Variants in LINGO2 observed in about 807,000 individuals in gnomAD.
LINGO2 encodes the protein leucine rich repeat and Ig domain containing 2, also known as leucine-rich repeat and immunoglobulin-like domain-containing nogo receptor-interacting protein 2.
LINGO2 carries 14 observed loss-of-function variants against 30.6 expected under a neutral mutation model. That is an observed-to-expected ratio of 0.46 (90% confidence interval 0.30 to 0.72). The LOEUF (loss-of-function observed/expected upper bound fraction) is 0.72, where lower values mean the gene tolerates loss of function less well. Among genes scored for constraint, LINGO2 ranks in the 30% least tolerant of loss-of-function variants. The pLI, the probability that LINGO2 is intolerant of heterozygous loss-of-function variation, is 0.07. For synonymous variants in LINGO2, 317 were observed against 288.5 expected (o/e 1.10, Z -1.00); for missense variants, 729 against 751.7 (o/e 0.97, Z 0.35).
At chr9:28,603,389 A>G (rs1390509281) in intron 1 of LINGO2, among the ~76,000 whole-genome samples, 3 of 152,068 alleles carry the variant, frequency 2.0e-5, no homozygotes, top group Non-Finnish European at 4.4e-5. Flanking sequence ...TGAATGGATG[A>G]CTATAGACTG....
chr9:28,190,999 C>T lies in LINGO2; in HGVS notation c.-87+104209G>A, dbSNP rs1220428012. ...GGAGAAACAATTATTTGCTCTTTGC[C>T]AGCCAGGTGCCAGTTAGCATTTTGA... is the stretch of plus-strand genomic sequence containing the variant. On this transcript the variant is annotated intron_variant, in intron 4 of 5. Coordinates refer to ENST00000379992, the Ensembl canonical transcript of LINGO2. Among the ~76,000 whole-genome samples the T allele has an allele frequency of 3.9e-5, 6 of 152,238 alleles. No homozygotes were observed. In the East Asian group the frequency reaches 1.2e-3, roughly 29 times the overall value.
At chr9:28,792,434 A>C in the LINGO2 span, among the ~76,000 whole-genome samples, 1 of 152,102 alleles carries the variant, frequency 6.6e-6, no homozygotes, top group Non-Finnish European at 1.5e-5. Context: ...AAAATTTCCA[A>C]ACACAAAAAT....
chr9:29,135,626 T>A, the LINGO2 span, among the ~76,000 whole-genome samples: 1 of 152,022 alleles, frequency 6.6e-6, no homozygotes, highest in African/African-American at 2.4e-5. Context: ...TTTAGACATT[T>A]AACTTCTTTT....
At chr9:28,318,792 T>C (rs896320814) in intron 3 of LINGO2, among the ~76,000 whole-genome samples, 5 of 152,192 alleles carry the variant, frequency 3.3e-5, no homozygotes, top group Admixed American at 3.3e-4. Context: ...CTAAAAATTG[T>C]GATAACAATA....
At chr9:28,827,565 A>G in the LINGO2 span, among the ~76,000 whole-genome samples, 1 of 152,170 alleles carries the variant, frequency 6.6e-6, no homozygotes, top group South Asian at 2.1e-4. Flanking sequence ...AGTACTTGAC[A>G]AATGATACAT....
intron 4 of LINGO2, among the ~76,000 whole-genome samples, chr9:28,168,138 T>C (rs1828483573): frequency 6.6e-6 from 1 of 152,188 alleles, no homozygotes; most frequent in South Asian, 2.1e-4. Flanking sequence ...TGGTGTGCAG[T>C]GGGTTTGAGC....
At chr9:28,821,871 A>G in the LINGO2 span, among the ~76,000 whole-genome samples, 2 of 152,132 alleles carry the variant, frequency 1.3e-5, no homozygotes, top group Non-Finnish European at 2.9e-5. Context: ...CGTCAAGGTA[A>G]TAATCACTCC....
At chr9:28,423,970 G>A (rs1324862891) in intron 2 of LINGO2, among the ~76,000 whole-genome samples, 1 of 152,156 alleles carries the variant, frequency 6.6e-6, no homozygotes, top group African/African-American at 2.4e-5. Context: ...ATCATGAAGT[G>A]CCTCACTCAG....
rs913997416 is a variant in LINGO2, at chr9:28,651,810, A to T, written c.-365+18390T>A. On this transcript the variant is annotated intron_variant, in intron 1 of 5. Coordinates refer to ENST00000379992, the Ensembl canonical transcript of LINGO2. ...CCAATCTATATTTATGAAGTTATCC[A>T]TTACTACAGAAACATCCATTTAATT... 2.0e-5 allele frequency among the ~76,000 whole-genome samples: 3 copies of T among 152,262 alleles called. 1 individual carries two copies. Among genetic ancestry groups the T allele is most frequent in the Admixed American group, 6.5e-5 (1 of 15,296 alleles).
the LINGO2 span, among the ~76,000 whole-genome samples, chr9:28,921,958 C>A: frequency 6.6e-6 from 1 of 152,152 alleles, no homozygotes; most frequent in African/African-American, 2.4e-5. Flanking sequence ...CAGCTCTTGG[C>A]AGGTGGTCTT....
the LINGO2 span, among the ~76,000 whole-genome samples, chr9:28,722,540 T>C: frequency 6.6e-6 from 1 of 152,040 alleles, no homozygotes; most frequent in East Asian, 1.9e-4. Context: ...CTTAAGATAG[T>C]CCTGGAGAGG....
intron 1 of LINGO2, among the ~76,000 whole-genome samples, chr9:28,665,005 ATATATATATATATATATAT>A (rs1436968363): frequency 3.0e-5 from 2 of 67,324 alleles, no homozygotes; most frequent in African/African-American, 2.0e-4. Flanking sequence ...ACATATATAT[ATATATATATATATATATAT>A]ATATATATAT....
At chr9:28,928,081 A>G in the LINGO2 span, among the ~76,000 whole-genome samples, 1 of 152,260 alleles carries the variant, frequency 6.6e-6, no homozygotes, top group Non-Finnish European at 1.5e-5. Flanking sequence ...ATAAGTTGAC[A>G]TTCACAAAGA....
chr9:28,233,777 G>C (rs1332356847), intron 4 of LINGO2, among the ~76,000 whole-genome samples: 1 of 152,162 alleles, frequency 6.6e-6, no homozygotes, highest in Non-Finnish European at 1.5e-5. Context: ...ACCAGGTAGA[G>C]TTGTGAGGCC....
At chr9:28,788,364 A>G in the LINGO2 span, among the ~76,000 whole-genome samples, 1 of 152,300 alleles carries the variant, frequency 6.6e-6, no homozygotes, top group Non-Finnish European at 1.5e-5. Flanking sequence ...TGGCAAGAAG[A>G]TTGTTCTGAT....
the LINGO2 span, among the ~76,000 whole-genome samples, chr9:28,710,786 A>G: frequency 1.3e-5 from 2 of 152,146 alleles, no homozygotes; most frequent in Non-Finnish European, 2.9e-5. Flanking sequence ...TGAATAATAT[A>G]TGCTTCCCCC....
At chr9:29,206,309 C>A in the LINGO2 span, among the ~76,000 whole-genome samples, 8 of 152,208 alleles carry the variant, frequency 5.3e-5, no homozygotes, top group African/African-American at 1.9e-4. Flanking sequence ...TAATATATAT[C>A]CAAGTAATAA....
the LINGO2 span, among the ~76,000 whole-genome samples, chr9:28,915,112 C>G: frequency 6.6e-6 from 1 of 152,070 alleles, no homozygotes; most frequent in Non-Finnish European, 1.5e-5. Context: ...AGGCTGGCGA[C>G]AGAGCGAGAC....
chr9:28,916,384 C>T, the LINGO2 span, among the ~76,000 whole-genome samples: 6 of 152,262 alleles, frequency 3.9e-5, no homozygotes, highest in African/African-American at 1.2e-4. Context: ...CATCTTTTAA[C>T]GTCTGATAAG....
Sources: allele counts gnomAD v4.1 joint callset (sites outside exome capture counted in the v4.1 genomes callset), GRCh38; gene constraint gnomAD v4.1.1; transcripts MANE v1.5; gene names NCBI Gene and HGNC (gene_info 2026-07-23, HGNC 2026-07-21).